The following RPS6KC1 variants were observed in gnomAD, a reference collection of about 807,000 sequenced individuals.
RPS6KC1 encodes inactive ribosomal protein S6 kinase delta-1.
A neutral mutation model predicts 103.8 loss-of-function variants in RPS6KC1; 54 were observed. The ratio of observed to expected loss-of-function variants is 0.52; its 90% CI spans 0.42 to 0.65. The LOEUF is 0.65. RPS6KC1 is among the 30% of genes least tolerant of loss of function. The pLI is 0.00. For synonymous variants in RPS6KC1, 439 were observed against 438.7 expected (o/e 1.00, Z -0.01); for missense variants, 1,151 against 1,253.8 (o/e 0.92, Z 1.24).
chr1:213,074,878 A>C (rs1215510245), intron 2 of RPS6KC1, among the ~76,000 whole-genome samples: 1 of 62,544 alleles, frequency 1.6e-5, no homozygotes, highest in Non-Finnish European at 2.9e-5. Flanking sequence ...TTTTTTACGG[A>C]GTCTCGCTCT....
the RPS6KC1 span, among the ~76,000 whole-genome samples, chr1:213,297,347 A>G: frequency 6.6e-6 from 1 of 152,228 alleles, no homozygotes; most frequent in Non-Finnish European, 1.5e-5. Flanking sequence ...GAGAAATACA[A>G]ACAGGAACAG....
chr1:213,074,315 A>G (rs1411256498), intron 2 of RPS6KC1, among the ~76,000 whole-genome samples: 4 of 152,204 alleles, frequency 2.6e-5, no homozygotes, highest in Non-Finnish European at 5.9e-5. Flanking sequence ...TCATTGAGAC[A>G]TTTTCTTCAG....
chr1:213,076,954 C>G (rs1386888576), intron 2 of RPS6KC1, among the ~76,000 whole-genome samples: 5 of 151,836 alleles, frequency 3.3e-5, no homozygotes, highest in African/African-American at 4.8e-5. Context: ...ACTGCAACCT[C>G]TGTCTCCTGG....
the RPS6KC1 span, among the ~76,000 whole-genome samples, chr1:213,758,749 G>T: frequency 5.9e-5 from 9 of 152,182 alleles, no homozygotes; most frequent in Admixed American, 4.6e-4. Flanking sequence ...ACTAGAATTA[G>T]AAGTGGAGCC....
the RPS6KC1 span, among the ~76,000 whole-genome samples, chr1:213,371,118 C>G: frequency 1.3e-5 from 2 of 152,076 alleles, no homozygotes; most frequent in African/African-American, 4.8e-5. Context: ...TTGCTCCTTA[C>G]CCCCAGCCCC....
the RPS6KC1 span, among the ~76,000 whole-genome samples, chr1:213,553,912 A>G: frequency 9.2e-5 from 14 of 152,096 alleles, no homozygotes; most frequent in East Asian, 7.7e-4. Flanking sequence ...AATTCCTTAT[A>G]GATTCTGGAT....
chr1:213,096,860 G>A (rs2081504484), intron 3 of RPS6KC1, among the ~76,000 whole-genome samples: 1 of 152,088 alleles, frequency 6.6e-6, no homozygotes, highest in Non-Finnish European at 1.5e-5. Context: ...TTGGGTAATT[G>A]GGGGTGAGGA....
the RPS6KC1 span, among the ~76,000 whole-genome samples, chr1:213,490,893 C>T: frequency 2.0e-5 from 3 of 152,150 alleles, no homozygotes; most frequent in Admixed American, 2.0e-4. Context: ...CCTCACCTTC[C>T]GTTTCTCACC....
the RPS6KC1 span, among the ~76,000 whole-genome samples, chr1:213,360,519 A>T: frequency 6.6e-6 from 1 of 152,178 alleles, no homozygotes; most frequent in Non-Finnish European, 1.5e-5. Flanking sequence ...CCTTTAGCTC[A>T]GAGAAGTTTG....
the RPS6KC1 span, among the ~76,000 whole-genome samples, chr1:213,643,679 A>G: frequency 6.6e-6 from 1 of 151,922 alleles, no homozygotes; most frequent in Non-Finnish European, 1.5e-5. Flanking sequence ...ATAGTGTTAA[A>G]TGAAGTTAGG....
At chr1:213,751,995 C>A in the RPS6KC1 span, among the ~76,000 whole-genome samples, 2 of 152,140 alleles carry the variant, frequency 1.3e-5, no homozygotes, top group East Asian at 1.9e-4. Flanking sequence ...CTTAGAACAG[C>A]AGTTTTATGA....
the RPS6KC1 span, among the ~76,000 whole-genome samples, chr1:213,326,532 G>A: frequency 6.6e-6 from 1 of 152,138 alleles, no homozygotes; most frequent in Non-Finnish European, 1.5e-5. Flanking sequence ...TGACACTAAT[G>A]TATTATAGGT....
At chr1:213,364,146 A>G in the RPS6KC1 span, among the ~76,000 whole-genome samples, 3 of 152,186 alleles carry the variant, frequency 2.0e-5, no homozygotes, top group Admixed American at 2.0e-4. Flanking sequence ...TACAGAAAAT[A>G]CATAAACAAA....
chr1:213,743,637 C>A, the RPS6KC1 span, among the ~76,000 whole-genome samples: 2 of 152,170 alleles, frequency 1.3e-5, no homozygotes, highest in Non-Finnish European at 2.9e-5. Context: ...CCAAACACAA[C>A]TTGGATTTGT....
At chr1:213,567,271 T>C in the RPS6KC1 span, among the ~76,000 whole-genome samples, 1 of 152,196 alleles carries the variant, frequency 6.6e-6, no homozygotes, top group Non-Finnish European at 1.5e-5. Context: ...TGAGTGTGGA[T>C]TGTGTATATT....
chr1:213,679,492 A>G, the RPS6KC1 span, among the ~76,000 whole-genome samples: 4 of 152,146 alleles, frequency 2.6e-5, no homozygotes, highest in African/African-American at 9.7e-5. Context: ...AAGACAAGTA[A>G]CTCAAAGTTA....
intron 8 of RPS6KC1, among the ~76,000 whole-genome samples, chr1:213,219,104 A>G (rs544128928): frequency 1.3e-5 from 2 of 152,358 alleles, no homozygotes; most frequent in East Asian, 1.9e-4. Flanking sequence ...AATTTCTGCA[A>G]TCTACTTATC....
At chr1:213,391,910 G>A in the RPS6KC1 span, among the ~76,000 whole-genome samples, 1 of 152,180 alleles carries the variant, frequency 6.6e-6, no homozygotes, top group Non-Finnish European at 1.5e-5. Context: ...GAAGATACTT[G>A]TCTTTTCAGT....
the RPS6KC1 span, among the ~76,000 whole-genome samples, chr1:213,785,735 C>T: frequency 2.6e-5 from 4 of 152,050 alleles, no homozygotes; most frequent in Admixed American, 2.6e-4. Context: ...GCCTAGTTTT[C>T]ATTACTTACT....
Sources: allele counts gnomAD v4.1 joint callset (sites outside exome capture counted in the v4.1 genomes callset), GRCh38; gene constraint gnomAD v4.1.1; transcripts MANE v1.5; gene names NCBI Gene and HGNC (gene_info 2026-07-23, HGNC 2026-07-21).